Variants in SYTL2 observed in about 807,000 individuals in gnomAD.
SYTL2 encodes the protein synaptotagmin like 2.
SYTL2 carries 165 observed loss-of-function variants against 198.7 expected under a neutral mutation model. That is an observed-to-expected ratio of 0.83 (90% CI 0.73 to 0.94). The LOEUF is 0.94. SYTL2 is among the 40% of genes least tolerant of loss of function. The pLI, the probability that SYTL2 is intolerant of heterozygous loss-of-function variation, is 0.00. For synonymous variants in SYTL2, 966 were observed against 917.7 expected (o/e 1.05, Z -0.95); for missense variants, 2,835 against 2,582.8 (o/e 1.10, Z -2.12).
chr11:85,773,569 G>A (rs952333080), intron 1 of SYTL2, among the ~76,000 whole-genome samples: 11 of 151,700 alleles, frequency 7.3e-5, no homozygotes, highest in African/African-American at 1.2e-4. Flanking sequence ...TTCCTTATCC[G>A]TCTCCTTTAT....
intron 1 of SYTL2, among the ~76,000 whole-genome samples, chr11:85,799,841 A>G (rs1399851357): frequency 6.6e-6 from 1 of 152,206 alleles, no homozygotes; most frequent in African/African-American, 2.4e-5. Context: ...CTCTGAGCCT[A>G]AAACAATTTG....
intron 1 of SYTL2, among the ~76,000 whole-genome samples, chr11:85,786,770 C>T (rs2092642372): frequency 6.6e-6 from 1 of 152,134 alleles, no homozygotes; most frequent in Admixed American, 6.5e-5. Flanking sequence ...TTTCACACAA[C>T]CTAAATTTTG....
chr11:85,774,448 T>C (rs2092415403), intron 1 of SYTL2, among the ~76,000 whole-genome samples: 1 of 151,988 alleles, frequency 6.6e-6, no homozygotes, highest in Non-Finnish European at 1.5e-5. Flanking sequence ...AGAGCAGCAG[T>C]AAAGGTGGAA....
chr11:85,767,724 C>T (rs1319070570), intron 1 of SYTL2, among the ~76,000 whole-genome samples: 1 of 152,170 alleles, frequency 6.6e-6, no homozygotes, highest in Non-Finnish European at 1.5e-5. Context: ...TACCAATGCC[C>T]AAGTCTCTTC....
At chr11:85,736,420 G>C (rs1265495556) in intron 6 of SYTL2, 81 bp downstream of exon 6, 5 of 713,704 alleles carry the variant, frequency 7.0e-6, no homozygotes, top group Admixed American at 3.2e-5. Context: ...GAAGTTATTT[G>C]AGCAAAAGGA....
intron 1 of SYTL2, among the ~76,000 whole-genome samples, chr11:85,771,344 T>G (rs1012944246): frequency 6.6e-6 from 1 of 152,234 alleles, no homozygotes; most frequent in African/African-American, 2.4e-5. Context: ...ACTCCCTGTC[T>G]TTGGTTAATT....
chr11:85,773,606 G>A (rs2092399422), intron 1 of SYTL2, among the ~76,000 whole-genome samples: 1 of 152,018 alleles, frequency 6.6e-6, no homozygotes, highest in South Asian at 2.1e-4. Flanking sequence ...GGAAGAAGGA[G>A]ATGCCATGTT....
At chr11:85,789,293 ATATT>A (rs1157375475) in intron 1 of SYTL2, among the ~76,000 whole-genome samples, 5 of 136,306 alleles carry the variant, frequency 3.7e-5, no homozygotes, top group South Asian at 2.3e-4. Flanking sequence ...ATATATATAT[ATATT>A]TATTTATTTA....
the SYTL2 span, among the ~76,000 whole-genome samples, chr11:85,820,528 G>A: frequency 2.0e-5 from 3 of 152,196 alleles, no homozygotes; most frequent in Middle Eastern, 3.2e-3. Context: ...CAGATTATCA[G>A]GCTCTACCAC....
the SYTL2 span, among the ~76,000 whole-genome samples, chr11:85,819,427 C>T: frequency 2.0e-5 from 3 of 152,148 alleles, no homozygotes; most frequent in Non-Finnish European, 4.4e-5. Context: ...ATTCCTTATG[C>T]GGCTGCACTC....
intron 1 of SYTL2, among the ~76,000 whole-genome samples, chr11:85,769,548 A>T (rs555262239): frequency 6.6e-6 from 1 of 152,218 alleles, no homozygotes; most frequent in Non-Finnish European, 1.5e-5. Flanking sequence ...CTAGAATTAT[A>T]TAAGTTTGTG....
At chr11:85,846,959 C>A in the SYTL2 span, among the ~76,000 whole-genome samples, 1 of 152,182 alleles carries the variant, frequency 6.6e-6, no homozygotes, top group East Asian at 1.9e-4. Flanking sequence ...GTCTCAAACT[C>A]CTGACCTCAG....
At chr11:85,803,751 ATTGT>A (rs1367972528) in intron 1 of SYTL2, among the ~76,000 whole-genome samples, 3 of 152,204 alleles carry the variant, frequency 2.0e-5, no homozygotes, top group African/African-American at 7.2e-5. Context: ...CCTGGGATCA[ATTGT>A]TTGTTTGGCC....
intron 17 of SYTL2, among the ~76,000 whole-genome samples, chr11:85,700,252 A>G (rs556934460): frequency 4.6e-5 from 7 of 152,268 alleles, no homozygotes; most frequent in Admixed American, 2.0e-4. Context: ...GTTTCCCAAC[A>G]GTGTGAATAT....
the SYTL2 span, among the ~76,000 whole-genome samples, chr11:85,847,114 A>C: frequency 1.3e-5 from 2 of 152,184 alleles, no homozygotes; most frequent in Non-Finnish European, 1.5e-5. Context: ...TATATAGTTC[A>C]ATGGGTTTTA....
chr11:85,737,503 G>A (rs1004887226), intron 5 of SYTL2, 72 bp downstream of exon 5: 2 of 1,189,562 alleles, frequency 1.7e-6, no homozygotes, highest in Non-Finnish European at 2.5e-6. Context: ...TTATTTTGTG[G>A]TGCTTTGACA....
At chr11:85,849,063 T>C in the SYTL2 span, among the ~76,000 whole-genome samples, 1 of 152,186 alleles carries the variant, frequency 6.6e-6, no homozygotes, top group Non-Finnish European at 1.5e-5. Context: ...TATAATACAA[T>C]ATTGCAACGT....
Position 85,734,091 on chromosome 11 carries a change from G to T in SYTL2, c.1238C>A (p.Ser413Tyr), listed in dbSNP as rs749297459. Residue 413 changes from serine (S) to tyrosine (Y), a missense_variant, in exon 7 of 20, where the codon TCT becomes TAT. Transcript: ENST00000359152. ...CAGCCCATTAATTGGAAAAGAACCA[G>T]AAGTCATTGGCTGATGTGTTTCACT... ...SKSETHQPMT[S>Y]GSFPINGLHS... 6.2e-7 allele frequency: 1 copy of T among 1,614,098 alleles called. No homozygotes were observed. Among genetic ancestry groups the T allele is most frequent in the African/African-American group, 1.3e-5 (1 of 74,936 alleles).
At chr11:85,728,343 G>C (rs537853739) in intron 7 of SYTL2, among the ~76,000 whole-genome samples, 2 of 152,084 alleles carry the variant, frequency 1.3e-5, no homozygotes, top group African/African-American at 4.8e-5. Context: ...CCAGAGTGCA[G>C]TGGCGGGATC....
Sources: gnomAD v4.1 joint callset for allele counts (sites outside exome capture counted in the v4.1 genomes callset) on GRCh38, gnomAD v4.1.1 for gene constraint, MANE v1.5 for transcripts, NCBI Gene and HGNC (gene_info 2026-07-23, HGNC 2026-07-21) for gene names.